Variants in ACSBG1 observed in about 807,000 individuals in gnomAD.
The protein encoded by ACSBG1 is long-chain-fatty-acid--CoA ligase ACSBG1.
A neutral mutation model predicts 80.2 loss-of-function variants in ACSBG1; 39 were observed. The observed-to-expected ratio is 0.49, with a 90% CI of 0.38 to 0.64. The LOEUF is 0.64. Among genes scored for constraint, ACSBG1 ranks in the 30% least tolerant of loss-of-function variants. ACSBG1 has a pLI of 0.00. For synonymous variants in ACSBG1, 392 were observed against 379.5 expected (o/e 1.03, Z -0.38); for missense variants, 828 against 966.4 (o/e 0.86, Z 1.90).
Position 78,182,795 on chromosome 15 carries a change from C to G in ACSBG1, c.664-10G>C, listed in dbSNP as rs752094437. The G allele has an allele frequency of 5.6e-6, 9 of 1,613,908 alleles. No homozygotes were observed. The highest frequency in any genetic ancestry group is 1.3e-5 in the African/African-American group (1 of 75,032). On this transcript the variant is annotated splice_polypyrimidine_tract_variant and intron_variant, in intron 5 of 13. Transcript: ENST00000258873. The stretch of plus-strand genomic sequence containing the variant: ...GCAACTGTTTCCAGATCTGCATTGA[C>G]AGGAAAAATAGATCAGGTTTCAGTA...
chr15:78,182,533 C>T lies in ACSBG1; in HGVS notation c.827G>A (p.Cys276Tyr). Reference sequence around the variant, plus strand: ...GCCGGAAGTGTAGACTAGCACACAGCACTGGTTGGGCTGCTGGGTGTCAAT... The same window carrying T: ...GCCGGAAGTGTAGACTAGCACACAGTACTGGTTGGGCTGCTGGGTGTCAAT... ...AIIDTQQPNQ[C>Y]CVLVYTSGTT... The change falls in exon 7 of 14, where the codon TGC becomes TAC. Residue 276 changes from cysteine to tyrosine, a missense_variant. Cys to Tyr is a radical substitution (Grantham distance 194). Coordinates refer to ENST00000258873, the MANE Select transcript of ACSBG1 (RefSeq NM_015162.5). The T allele has an allele frequency of 6.2e-7, 1 of 1,614,166 alleles. No homozygotes were observed. The highest frequency in any genetic ancestry group is 8.5e-7 in the Non-Finnish European group (1 of 1,180,006).
At chr15:78,174,741 T>A in intron 11 of ACSBG1, 1 of 560,290 alleles carries the variant, frequency 1.8e-6, no homozygotes. Context: ...CAAGTTTCCC[T>A]CTCCTCGGCT....
intron 1 of ACSBG1, among the ~76,000 whole-genome samples, chr15:78,220,453 CAAT>C (rs2075351450): frequency 6.6e-6 from 1 of 151,944 alleles, no homozygotes; most frequent in Non-Finnish European, 1.5e-5. Flanking sequence ...AGCGCACAAA[CAAT>C]AACAAATAAA....
Position 78,173,643 on chromosome 15 carries a change from T to C in ACSBG1, c.2039A>G (p.Gln680Arg). The C allele has an allele frequency of 6.2e-7, 1 of 1,614,224 alleles. No individual in the cohort carries two copies. Among genetic ancestry groups the C allele is most frequent in the Non-Finnish European group, 8.5e-7 (1 of 1,180,036 alleles). ...GTCTCTCTCGAGAATGGCCCACTTC[T>C]GGATGTGGTAGGGCCGGGCCGCCGC... ...MNAAARPYHIQKWAILERDFS... is the reference protein window; with the variant it reads ...MNAAARPYHIRKWAILERDFS... The change falls in exon 13 of 14, where the codon CAG becomes CGG. Residue 680 changes from glutamine (Q) to arginine (R), a missense_variant. Around this residue, in one of 3 missense-constraint regions of ACSBG1, gnomAD observed 201 missense variants for 227.0 expected, o/e 0.89. Coordinates refer to ENST00000258873, the MANE Select transcript of ACSBG1 (RefSeq NM_015162.5).
Position 78,208,055 on chromosome 15 carries a change from G to C in ACSBG1, c.179C>G (p.Ala60Gly). 6.2e-7 allele frequency: 1 copy of C among 1,614,092 alleles called. No homozygotes were observed. The change falls in exon 2 of 14, where the codon GCT becomes GGT. Residue 60 changes from alanine (A) to glycine (G), a missense_variant. Around this residue, in one of 3 missense-constraint regions of ACSBG1, gnomAD observed 356 missense variants for 363.5 expected, o/e 0.98. Coordinates refer to ENST00000258873, the MANE Select transcript of ACSBG1 (RefSeq NM_015162.5). The stretch of plus-strand genomic sequence containing the variant: ...CTTCTCTGGCACTGAGAGCTCGAGA[G>C]CATGGTTCAGGGACTCTTTGGAGAG... ...QPLSKESLNH[A>G]LELSVPEKVN...
chr15:78,207,917 T>TCCCCCC, intron 2 of ACSBG1, 85 bp downstream of exon 2: 3 of 876,062 alleles, frequency 3.4e-6, no homozygotes, highest in East Asian at 2.7e-5. Flanking sequence ...TGTGTGGTGG[T>TCCCCCC]CCCCCACACC....
Position 78,193,539 on chromosome 15 carries a change from G to A in ACSBG1, c.630C>T (p.Val210=), listed in dbSNP as rs142312677. The A allele has an allele frequency of 6.4e-5, 103 of 1,612,802 alleles. No homozygotes were observed. The African/African-American group carries it at 1.0e-3, about 16-fold the overall frequency. The change falls in exon 5 of 14, where the codon GTC becomes GTT. Residue 210 remains valine, a synonymous_variant. Coordinates refer to ENST00000258873, the MANE Select transcript of ACSBG1 (RefSeq NM_015162.5). The part of the protein sequence containing the change: ...AYDCCANVIM[V]DTQKQLEKIL... ...TCTTTTCCAGCTGCTTCTGCGTGTC[G>A]ACCATGATGACATTGGCGCAGCAGT...
intron 5 of ACSBG1, among the ~76,000 whole-genome samples, chr15:78,185,318 C>G (rs2074990513): frequency 6.6e-6 from 1 of 152,098 alleles, no homozygotes; most frequent in Non-Finnish European, 1.5e-5. Flanking sequence ...CAAACAGCAG[C>G]TGATGTAGGA....
At chr15:78,218,249 A>G (rs2075328575) in intron 1 of ACSBG1, among the ~76,000 whole-genome samples, 1 of 141,314 alleles carries the variant, frequency 7.1e-6, no homozygotes, top group Non-Finnish European at 1.5e-5. Flanking sequence ...CCTATTCCTC[A>G]GACTCCAGAG....
At chr15:78,199,952 G>A (rs768898939) in intron 2 of ACSBG1, among the ~76,000 whole-genome samples, 34 of 151,952 alleles carry the variant, frequency 2.2e-4, no homozygotes, top group Admixed American at 1.3e-3. Context: ...AATTTACTCC[G>A]CCACTCTCCA....
intron 1 of ACSBG1, among the ~76,000 whole-genome samples, chr15:78,221,700 T>C (rs2075361139): frequency 6.6e-6 from 1 of 152,178 alleles, no homozygotes; most frequent in African/African-American, 2.4e-5. Context: ...GGGGAAACTT[T>C]GGACAATACC....
chr15:78,176,038 T>G (rs1396468733), intron 11 of ACSBG1, among the ~76,000 whole-genome samples: 1 of 151,092 alleles, frequency 6.6e-6, no homozygotes, highest in African/African-American at 2.4e-5. Flanking sequence ...ATCTAAAAAT[T>G]TTTACAGCAA....
intron 1 of ACSBG1, among the ~76,000 whole-genome samples, chr15:78,226,793 T>TATATATAATATATATAATATATATATATA (rs1555434842): frequency 2.3e-5 from 3 of 129,018 alleles, no homozygotes; most frequent in African/African-American, 8.9e-5. Context: ...AAAATATATA[T>TATATATAATATATATAATATATATATATA]ATATATATAA....
At chr15:78,229,917 G>T (rs1245578748) in intron 1 of ACSBG1, among the ~76,000 whole-genome samples, 1 of 152,190 alleles carries the variant, frequency 6.6e-6, no homozygotes, top group Non-Finnish European at 1.5e-5. Context: ...AACCTGACCA[G>T]TCTCATGGCC....
At chr15:78,226,785 A>AATAT (rs140363906) in intron 1 of ACSBG1, among the ~76,000 whole-genome samples, 1,946 of 78,416 alleles carry the variant, frequency 0.025, 62 homozygotes, top group African/African-American at 0.086. Flanking sequence ...CACATAGAAA[A>AATAT]ATATATATAT....
rs947964290 is a variant in ACSBG1, at chr15:78,169,971, A to G, written c.*1473T>C. On this transcript the variant is annotated 3_prime_UTR_variant, in exon 14 of 14. Transcript: ENST00000258873. ...AATTGAGGAACTTGGGATGCTATTA[A>G]TTTTGTATTTCAGCAACTGCCCCTT... The G allele has an allele frequency of 6.6e-6, 1 of 152,240 alleles. No homozygotes were observed. Among genetic ancestry groups the G allele is most frequent in the African/African-American group, 2.4e-5 (1 of 41,436 alleles). The allele number at this position is 152,240 out of a possible 1,614,324, so 9.4% of individuals were successfully genotyped here.
At chr15:78,185,172 C>T (rs1444859913) in intron 5 of ACSBG1, among the ~76,000 whole-genome samples, 1 of 151,938 alleles carries the variant, frequency 6.6e-6, no homozygotes, top group African/African-American at 2.4e-5. Flanking sequence ...AGATAGAATA[C>T]CAGCAGACAG....
rs1289377778 is a variant in ACSBG1 at position 78,187,900 on chromosome 15, T to C, written c.664-5115A>G. On this transcript the variant is annotated intron_variant, in intron 5 of 13. Coordinates refer to ENST00000258873, the MANE Select transcript of ACSBG1 (RefSeq NM_015162.5). ...AAGTCAAATTGTCCCTGTTTGCAGA[T>C]GACATGATTGTATATCTAGAAAACC... Among the ~76,000 whole-genome samples, 3 of 152,118 alleles carry C rather than the reference T, an allele frequency of 2.0e-5. 1 individual carries two copies. The highest frequency in any genetic ancestry group is 4.4e-5 in the Non-Finnish European group (3 of 68,018).
At position 78,178,648 on chromosome 15, in the gene ACSBG1, G is replaced by A. The variant is rs773426891; in HGVS notation, c.1668C>T (p.Ala556=). 6.8e-6 allele frequency: 11 copies of A among 1,613,524 alleles called. No homozygotes were observed. Among genetic ancestry groups the A allele is most frequent in the African/African-American group, 6.7e-5 (5 of 74,936 alleles). The change falls in exon 11 of 14, where the codon GCC becomes GCT. Residue 556 remains alanine, a synonymous_variant. Transcript: ENST00000258873. The surrounding 1 kb of genome is among the most constrained non-coding windows in gnomAD (Gnocchi z 4.3). ...LHTGDAGRLD[A]DGFLYITGRL... ...GCCCAGTGATGTAGAGGAAGCCATC[G>A]GCGTCCAGGCGGCCAGCATCACCCG...
Sources: gnomAD v4.1 joint callset for allele counts (sites outside exome capture counted in the v4.1 genomes callset) on GRCh38, gnomAD v4.1.1 for gene constraint, gnomAD v4.1.1 regional missense constraint, Gnocchi (gnomAD v3.1) non-coding constraint, MANE v1.5 for transcripts, NCBI Gene and HGNC (gene_info 2026-07-23, HGNC 2026-07-21) for gene names.